Variants in CBLB observed in about 807,000 individuals in gnomAD.
The protein encoded by CBLB is E3 ubiquitin-protein ligase CBL-B.
Under a neutral mutation model 104.9 loss-of-function variants are expected in CBLB, and 31 were observed. The observed-to-expected ratio is 0.30, with a 90% CI of 0.22 to 0.40. The LOEUF (loss-of-function observed/expected upper bound fraction) is 0.40. Among genes scored for constraint, CBLB ranks in the 10% least tolerant of loss-of-function variants. The pLI is 1.00. For missense variants in CBLB, 1,062 were observed against 1,214.6 expected (o/e 0.87, Z 1.87); for synonymous variants, 440 against 422.6 (o/e 1.04, Z -0.51).
At chr3:105,811,714 C>CT (rs886104074) in intron 3 of CBLB, among the ~76,000 whole-genome samples, 124 of 147,104 alleles carry the variant, frequency 8.4e-4, no homozygotes, top group East Asian at 5.9e-3. Context: ...AAATTACTTC[C>CT]TTTTTTTTTT....
intron 11 of CBLB, among the ~76,000 whole-genome samples, chr3:105,703,013 C>G (rs1336687543): frequency 6.6e-6 from 1 of 152,128 alleles, no homozygotes; most frequent in African/African-American, 2.4e-5. Flanking sequence ...TCACAAGTAA[C>G]AGAGCAGCAC....
chr3:105,841,291 A>AT (rs1400785955), intron 3 of CBLB, among the ~76,000 whole-genome samples: 4 of 75,474 alleles, frequency 5.3e-5, no homozygotes, highest in Non-Finnish European at 1.4e-4. Flanking sequence ...GCAAGACTTC[A>AT]TTTCAAAAAA....
chr3:105,665,725 T>C (rs886525544), intron 18 of CBLB, among the ~76,000 whole-genome samples: 1 of 149,668 alleles, frequency 6.7e-6, no homozygotes, highest in Non-Finnish European at 1.5e-5. Flanking sequence ...TATTAACTTA[T>C]ATAAAATTTA....
chr3:105,718,515 C>A (rs2072255915), intron 10 of CBLB, among the ~76,000 whole-genome samples: 1 of 152,130 alleles, frequency 6.6e-6, no homozygotes, highest in South Asian at 2.1e-4. Flanking sequence ...CAAAGAAATG[C>A]CTTGTCAAAA....
At chr3:105,867,905 C>T (rs1056287886) in intron 1 of CBLB, among the ~76,000 whole-genome samples, 2 of 150,390 alleles carry the variant, frequency 1.3e-5, no homozygotes, top group African/African-American at 4.9e-5. Context: ...ACAAACAAAA[C>T]TTAAACAGGT....
chr3:105,780,663 T>TTTG (rs1397870714), intron 3 of CBLB, among the ~76,000 whole-genome samples: 18 of 117,698 alleles, frequency 1.5e-4, no homozygotes, highest in South Asian at 2.8e-4. Context: ...GTTTTTTGTT[T>TTTG]TTTTTTTTTT....
At chr3:105,721,704 G>C (rs1015311004) in intron 9 of CBLB, among the ~76,000 whole-genome samples, 1 of 152,024 alleles carries the variant, frequency 6.6e-6, no homozygotes, top group Non-Finnish European at 1.5e-5. Context: ...AATATTATTT[G>C]CTCCATCATT....
intron 10 of CBLB, among the ~76,000 whole-genome samples, chr3:105,706,783 A>G (rs999468128): frequency 1.3e-5 from 2 of 152,174 alleles, no homozygotes; most frequent in South Asian, 2.1e-4. Flanking sequence ...CCCAAACAAT[A>G]TATTTTTTTA....
intron 9 of CBLB, among the ~76,000 whole-genome samples, chr3:105,725,634 C>T (rs1029852419): frequency 2.6e-5 from 4 of 152,146 alleles, no homozygotes; most frequent in Admixed American, 6.5e-5. Flanking sequence ...TTCTTTATTA[C>T]TCCCAACGTG....
At chr3:105,817,471 G>A (rs1414945429) in intron 3 of CBLB, among the ~76,000 whole-genome samples, 2 of 152,090 alleles carry the variant, frequency 1.3e-5, no homozygotes, top group African/African-American at 2.4e-5. Flanking sequence ...GGAGAATACC[G>A]GCATTTAGGA....
intron 2 of CBLB, among the ~76,000 whole-genome samples, chr3:105,854,204 T>C (rs1311895356): frequency 6.6e-6 from 1 of 152,168 alleles, no homozygotes; most frequent in Non-Finnish European, 1.5e-5. Context: ...ACCAGTCTTT[T>C]CCACCTCCCC....
At chr3:105,725,972 C>G (rs1277643152) in intron 9 of CBLB, among the ~76,000 whole-genome samples, 2 of 152,138 alleles carry the variant, frequency 1.3e-5, no homozygotes, top group Non-Finnish European at 2.9e-5. Flanking sequence ...GTGCCTCAGC[C>G]TCCCAAGCTG....
Position 105,702,476 on chromosome 3 carries a change from G to GACAAA in CBLB, c.1594-18_1594-17insTTTGT. 1 of 277,060 alleles carries GACAAA rather than the reference G, an allele frequency of 3.6e-6. No homozygotes were observed. Among genetic ancestry groups the GACAAA allele is most frequent in the South Asian group, 4.5e-5 (1 of 22,336 alleles). 17.2% of individuals were successfully genotyped at this position (277,060 alleles called of 1,614,324 possible). On this transcript the variant is annotated splice_polypyrimidine_tract_variant and intron_variant, in intron 11 of 18. Transcript: ENST00000394030. Reference sequence around the variant, plus strand: ...AGGAGAAGACTAAAGAAACAGAAGAGAAAAAAAAAAAAAAAAAAAAAAACT... The same window carrying GACAAA: ...AGGAGAAGACTAAAGAAACAGAAGAGACAAAAAAAAAAAAAAAAAAAAAAAAAACT...
intron 3 of CBLB, among the ~76,000 whole-genome samples, chr3:105,785,670 C>A (rs973343496): frequency 1.3e-5 from 2 of 152,048 alleles, no homozygotes; most frequent in Non-Finnish European, 2.9e-5. Context: ...TGGAATAGGA[C>A]AAGTAAAATA....
At chr3:105,797,414 G>C (rs1037875067) in intron 3 of CBLB, among the ~76,000 whole-genome samples, 8 of 152,100 alleles carry the variant, frequency 5.3e-5, no homozygotes, top group Non-Finnish European at 1.2e-4. Flanking sequence ...GACACAAAGA[G>C]GGGAACAACA....
intron 10 of CBLB, among the ~76,000 whole-genome samples, chr3:105,718,394 T>C (rs1386449759): frequency 2.0e-5 from 3 of 152,160 alleles, no homozygotes; most frequent in Non-Finnish European, 2.9e-5. Context: ...AAAATTTGTA[T>C]GTAAAATATC....
At chr3:105,684,162 C>A (rs772478353) in intron 14 of CBLB, among the ~76,000 whole-genome samples, 1 of 152,178 alleles carries the variant, frequency 6.6e-6, no homozygotes, top group Non-Finnish European at 1.5e-5. Flanking sequence ...TCTCCCCTAT[C>A]CCTCAGTCAG....
intron 3 of CBLB, among the ~76,000 whole-genome samples, chr3:105,823,364 A>T (rs1332247287): frequency 1.3e-5 from 2 of 152,148 alleles, no homozygotes; most frequent in Admixed American, 1.3e-4. Flanking sequence ...GAAGGGCGAG[A>T]AGGGATGGCT....
intron 3 of CBLB, among the ~76,000 whole-genome samples, chr3:105,798,466 T>C (rs182525990): frequency 1.3e-5 from 2 of 152,322 alleles, no homozygotes; most frequent in Admixed American, 1.3e-4. Context: ...ATCTAGAGAT[T>C]AGAAATGTTG....
Sources: gnomAD v4.1 joint callset for allele counts (sites outside exome capture counted in the v4.1 genomes callset) on GRCh38, gnomAD v4.1.1 for gene constraint, MANE v1.5 for transcripts, NCBI Gene and HGNC (gene_info 2026-07-23, HGNC 2026-07-21) for gene names.